The following GLDC variants were observed in gnomAD, a reference collection of about 807,000 sequenced individuals.
GLDC encodes glycine decarboxylase.
GLDC carries 104 observed loss-of-function variants against 121.3 expected under a neutral mutation model. That is an observed-to-expected ratio of 0.86 (90% CI 0.73 to 1.01). The LOEUF (loss-of-function observed/expected upper bound fraction) is 1.01, where lower values mean the gene tolerates loss of function less well. Ranked by LOEUF, GLDC falls within the 50% of genes least tolerant of loss-of-function variation. GLDC has a pLI of 0.00. For synonymous variants in GLDC, 546 were observed against 480.6 expected (o/e 1.14, Z -1.78); for missense variants, 1,429 against 1,306.6 (o/e 1.09, Z -1.44).
chr9:6,577,830 A>G (rs1818100656), intron 15 of GLDC, among the ~76,000 whole-genome samples: 1 of 151,372 alleles, frequency 6.6e-6, no homozygotes. Context: ...TTTTTGCTCG[A>G]ATCCTGATTC....
At chr9:6,621,491 C>T (rs1026650459) in intron 2 of GLDC, among the ~76,000 whole-genome samples, 1 of 152,094 alleles carries the variant, frequency 6.6e-6, no homozygotes, top group African/African-American at 2.4e-5. Context: ...TTGAGAGCTG[C>T]TACATGGACA....
intron 20 of GLDC, among the ~76,000 whole-genome samples, chr9:6,551,814 G>A (rs1049990691): frequency 3.3e-5 from 5 of 152,144 alleles, no homozygotes; most frequent in African/African-American, 9.7e-5. Flanking sequence ...GTGGATGTAG[G>A]GCAAGGTGAG....
rs10123259 is a variant in GLDC at position 6,547,205 on chromosome 9, A to G, written c.2569+3598T>C. On this transcript the variant is annotated intron_variant, in intron 21 of 24. Coordinates refer to ENST00000321612, the MANE Select transcript of GLDC (RefSeq NM_000170.3). ...AATATGAACAAATAAGCAATTAGGG[A>G]AAAAACCAATAGGATGCAGTTATAT... 6.6e-3 allele frequency among the ~76,000 whole-genome samples: 1,008 copies of G among 152,276 alleles called. 11 individuals carry two copies. The highest frequency in any genetic ancestry group is 0.022 in the African/African-American group (922 of 41,544).
intron 2 of GLDC, among the ~76,000 whole-genome samples, chr9:6,624,217 C>G (rs1204934419): frequency 1.3e-5 from 2 of 152,142 alleles, no homozygotes; most frequent in Non-Finnish European, 2.9e-5. Flanking sequence ...ATTGTGTTCC[C>G]AAAAATGATG....
intron 2 of GLDC, among the ~76,000 whole-genome samples, chr9:6,641,895 A>G (rs1755608): frequency 0.29 from 44,749 of 152,134 alleles, 7,098 homozygotes; most frequent in East Asian, 0.51. Flanking sequence ...TGACTACACT[A>G]GAACACAGGC....
chr9:6,538,401 C>T (rs565660964), intron 22 of GLDC, among the ~76,000 whole-genome samples: 16 of 152,212 alleles, frequency 1.1e-4, no homozygotes, highest in Non-Finnish European at 2.4e-4. Flanking sequence ...CCTGAAAAGA[C>T]TCACACAGAA....
At chr9:6,636,754 A>C (rs142819158) in intron 2 of GLDC, among the ~76,000 whole-genome samples, 2,371 of 151,898 alleles carry the variant, frequency 0.016, 64 homozygotes, top group African/African-American at 0.054. Flanking sequence ...CAGCCTGGGC[A>C]ACAGAGTGAG....
At chr9:6,581,923 T>TA (rs958301167) in intron 15 of GLDC, among the ~76,000 whole-genome samples, 109 of 152,174 alleles carry the variant, frequency 7.2e-4, no homozygotes, top group African/African-American at 2.6e-3. Context: ...GATAAGGAAT[T>TA]AGAACATATA....
rs1818387955 is a variant in GLDC, at chr9:6,592,187, CT to C, written c.1437del (p.Asp480IlefsTer59). 1 of 1,608,920 alleles carries C rather than the reference CT, an allele frequency of 6.2e-7. No homozygotes were observed. The highest frequency in any genetic ancestry group is 2.2e-5 in the East Asian group (1 of 44,872). On this transcript the variant is annotated frameshift_variant, in exon 11 of 25. Coordinates refer to ENST00000321612, the MANE Select transcript of GLDC (RefSeq NM_000170.3). LOFTEE classifies it high-confidence loss of function. Reference protein sequence around the residue: ...GISLDETVNEKDLDDLLWIFG... With the variant: ...GISLDETVNEXDLDDLLWIFG... Reference sequence around the variant, plus strand: ...AAGATCCACAACAAATCGTCCAGATCTTTTTCATTGACTGTTTCATCAAGAG... The same window carrying C: ...AAGATCCACAACAAATCGTCCAGATCTTTTCATTGACTGTTTCATCAAGAG...
intron 2 of GLDC, 72 bp from the exon 3 acceptor site, chr9:6,620,391 C>T: frequency 7.6e-7 from 1 of 1,316,518 alleles, no homozygotes; most frequent in South Asian, 1.2e-5. Context: ...GTTTAAATCC[C>T]TCATTTTGTT....
intron 7 of GLDC, among the ~76,000 whole-genome samples, chr9:6,602,913 A>G (rs1208034499): frequency 6.6e-6 from 1 of 152,150 alleles, no homozygotes; most frequent in African/African-American, 2.4e-5. Flanking sequence ...AATAAAAAAT[A>G]ATACAACAAT....
intron 15 of GLDC, among the ~76,000 whole-genome samples, chr9:6,579,608 C>T (rs1294151111): frequency 6.6e-6 from 1 of 152,182 alleles, no homozygotes; most frequent in East Asian, 1.9e-4. Flanking sequence ...ATCCTCCTAT[C>T]TCAGCCTCCC....
chr9:6,601,723 CT>C (rs886318374), intron 8 of GLDC, among the ~76,000 whole-genome samples: 3 of 152,140 alleles, frequency 2.0e-5, no homozygotes, highest in Non-Finnish European at 2.9e-5. Context: ...CTCCCAGATT[CT>C]GGTGATCCTC....
intron 23 of GLDC, among the ~76,000 whole-genome samples, chr9:6,535,304 C>T (rs1817101054): frequency 6.6e-6 from 1 of 151,564 alleles, no homozygotes; most frequent in African/African-American, 2.4e-5. Flanking sequence ...CTGAAAGAAG[C>T]AGGTGTCTTC....
rs147951756 is a variant in GLDC, at chr9:6,556,180, G to A, written c.2175C>T (p.Tyr725=). The A allele has an allele frequency of 1.7e-5, 27 of 1,613,172 alleles. No individual in the cohort carries two copies. In the African/African-American group the frequency reaches 3.5e-4, roughly 21 times the overall value. ...GAGCATTCATATTTGCCCCGTCTAG[G>A]TAGACCTGTCCTCCATGTTGATGGA... is the stretch of plus-strand genomic sequence containing the variant. The part of the protein sequence containing the change: ...DLIHQHGGQV[Y]LDGANMNAQV... The change falls in exon 18 of 25, where the codon TAC becomes TAT. Residue 725 remains tyrosine (Y), a synonymous_variant. Coordinates refer to ENST00000321612, the MANE Select transcript of GLDC (RefSeq NM_000170.3).
At chr9:6,641,653 T>C (rs899781596) in intron 2 of GLDC, among the ~76,000 whole-genome samples, 1 of 152,170 alleles carries the variant, frequency 6.6e-6, no homozygotes, top group Admixed American at 6.5e-5. Flanking sequence ...ATTTTCCTCA[T>C]AGGGTTGTAA....
intron 8 of GLDC, among the ~76,000 whole-genome samples, chr9:6,600,099 G>T (rs1343346347): frequency 6.6e-6 from 1 of 152,140 alleles, no homozygotes; most frequent in Admixed American, 6.6e-5. Context: ...AGGCACGGTG[G>T]CTCATGCCTA....
At chr9:6,536,305 C>G (rs535201181) in intron 22 of GLDC, 69 bp from the exon 23 acceptor site, 1 of 1,261,298 alleles carries the variant, frequency 7.9e-7, no homozygotes, top group Admixed American at 1.9e-5. Flanking sequence ...AAGAAAAGTT[C>G]GTATCCCTTC....
intron 16 of GLDC, among the ~76,000 whole-genome samples, chr9:6,564,847 G>A (rs1817823678): frequency 6.6e-6 from 1 of 152,260 alleles, no homozygotes; most frequent in Admixed American, 6.5e-5. Context: ...GCAGGACCGT[G>A]AACTCTGCTT....
Sources: allele counts gnomAD v4.1 joint callset (sites outside exome capture counted in the v4.1 genomes callset), GRCh38; gene constraint gnomAD v4.1.1; transcripts MANE v1.5; gene names NCBI Gene and HGNC (gene_info 2026-07-23, HGNC 2026-07-21).